ANK1: variants seen among roughly 807,000 people sequenced by gnomAD.
ANK1 encodes the protein ankyrin 1.
In ANK1, 51 loss-of-function variants were observed where a neutral mutation model predicts 210.4. The ratio of observed to expected loss-of-function variants is 0.24; its 90% CI spans 0.19 to 0.31. ANK1 has a LOEUF of 0.31. ANK1 is among the 10% of genes least tolerant of loss of function. ANK1 has a pLI of 1.00. For missense variants in ANK1, 2,051 were observed against 2,504.4 expected, an observed-to-expected ratio of 0.82 and a Z score of 3.86; for synonymous variants, 967 against 1,025.9, an observed-to-expected ratio of 0.94 and a Z score of 1.10.
Position 41,831,091 on chromosome 8 carries a change from G to A in ANK1, c.126+65264C>T, listed in dbSNP as rs767080256. On this transcript the variant is annotated intron_variant, in intron 1 of 42. Coordinates refer to the ANK1 transcript ENST00000265709. ...ACTGAGATACAGACGAAAGCACAGCGGCCTGGGAGACAGGAGACGAGGCTC... is the reference window on the plus strand; with the variant it reads ...ACTGAGATACAGACGAAAGCACAGCAGCCTGGGAGACAGGAGACGAGGCTC... 3.3e-4 allele frequency among the ~76,000 whole-genome samples: 51 copies of A among 152,246 alleles called. 1 individual carries two copies. Among genetic ancestry groups the A allele is most frequent in the African/African-American group, 1.0e-3 (43 of 41,542 alleles).
In ANK1 at chr8:41,803,031, AAG is replaced by A. The variant is rs1381744445; in HGVS notation, c.127-44896_127-44895del. Among the ~76,000 whole-genome samples the A allele has an allele frequency of 2.2e-4, 21 of 97,224 alleles. 1 individual carries two copies. Among genetic ancestry groups the A allele is most frequent in the Admixed American group, 4.0e-4 (4 of 9,932 alleles). The allele number at this position is 97,224 out of a possible 152,430, so 63.8% of individuals were successfully genotyped here. ...AAAGAAAGAAAGAAAGAAAGAAAGA[AAG>A]AAAGAAAGAGAAAGAAAGAAAGAGA... On this transcript the variant is annotated intron_variant, in intron 1 of 42. Coordinates refer to the ANK1 transcript ENST00000265709.
chr8:41,656,727 G>T (rs1424313684), intron 42 of ANK1, among the ~76,000 whole-genome samples: 1 of 152,216 alleles, frequency 6.6e-6, no homozygotes, highest in African/African-American at 2.4e-5. Flanking sequence ...ATTCGGAGGT[G>T]GAGCCATCCC....
At chr8:41,804,738 C>G (rs7835438) in intron 1 of ANK1, among the ~76,000 whole-genome samples, 50,995 of 151,966 alleles carry the variant, frequency 0.34, 9,487 homozygotes, top group Non-Finnish European at 0.42. Context: ...AAACTTGATT[C>G]TCATTCGCTT....
exon 1 of ANK1, chr8:41,896,478 C>T: frequency 6.3e-7 from 1 of 1,597,648 alleles, no homozygotes; most frequent in Non-Finnish European, 8.5e-7. Context: ...CCGCTTGAGC[C>T]ATGGCGGGTC....
At chr8:41,775,859 C>T (rs1018847593) in intron 1 of ANK1, among the ~76,000 whole-genome samples, 1 of 152,148 alleles carries the variant, frequency 6.6e-6, no homozygotes, top group African/African-American at 2.4e-5. Flanking sequence ...GGCACTCTAG[C>T]CTGGGCAAAA....
chr8:41,669,615 C>G (rs1181610895), intron 38 of ANK1, among the ~76,000 whole-genome samples: 7 of 152,178 alleles, frequency 4.6e-5, no homozygotes, highest in Non-Finnish European at 1.0e-4. Flanking sequence ...GTATCTTCAT[C>G]CTTGCAGTGG....
rs1812732817 is a variant in ANK1, at chr8:41,672,527, C to T, written c.4923G>A (p.Glu1641=). ...TNGLIDLLEQ[E]EGQRSEEKLP... ...GCTTCTCTTCTGACCTCTGACCTTC[C>T]TCCTGTTCAAGCAAATCGATAAGGC... The change falls in exon 38 of 43, where the codon GAG becomes GAA. Residue 1641 remains glutamate (E), a synonymous_variant. Transcript: ENST00000289734. The T allele has an allele frequency of 4.3e-6, 7 of 1,614,216 alleles. No individual in the cohort carries two copies. Among genetic ancestry groups the T allele is most frequent in the Non-Finnish European group, 5.1e-6 (6 of 1,180,038 alleles).
At chr8:41,692,277 G>A (rs934545303) in intron 31 of ANK1, among the ~76,000 whole-genome samples, 4 of 152,208 alleles carry the variant, frequency 2.6e-5, no homozygotes, top group South Asian at 2.1e-4. Flanking sequence ...GGCTGGTCTC[G>A]AACTCCTGAC....
chr8:41,851,211 A>G (rs1811169796), intron 1 of ANK1, among the ~76,000 whole-genome samples: 1 of 152,244 alleles, frequency 6.6e-6, no homozygotes, highest in Non-Finnish European at 1.5e-5. Flanking sequence ...CATGGACATC[A>G]GCTTACTCAG....
In ANK1 at chr8:41,703,450, A is replaced by ATATATATATATT. The variant is rs59985416; in HGVS notation, c.2295+590_2295+591insAATATATATATA. 5.1e-4 allele frequency among the ~76,000 whole-genome samples: 30 copies of ATATATATATATT among 58,814 alleles called. 1 individual carries two copies. Among genetic ancestry groups the ATATATATATATT allele is most frequent in the Admixed American group, 7.3e-4 (3 of 4,102 alleles). The allele number at this position is 58,814 out of a possible 152,430, so 38.6% of individuals were successfully genotyped here. ...TATATATATATATATATATATATATATTTTTTTTTTTTTTTTAAGACACAA... is the reference window on the plus strand; with the variant it reads ...TATATATATATATATATATATATATATATATATATATTTTTTTTTTTTTTTTTTAAGACACAA... On this transcript the variant is annotated intron_variant, in intron 20 of 42. Transcript: ENST00000289734.
rs191181149 is a variant in ANK1 at position 41,889,087 on chromosome 8, C to T, written c.126+7268G>A. 3.2e-3 allele frequency among the ~76,000 whole-genome samples: 485 copies of T among 152,330 alleles called. 3 individuals carry two copies. The highest frequency in any genetic ancestry group is 0.01 in the African/African-American group (419 of 41,568). ...AACTCCTAGCCTTAAGTGATCCTCC[C>T]ATCTCGGCTCCCAAAGTGGTGGGAT... On this transcript the variant is annotated intron_variant, in intron 1 of 42. Coordinates refer to the ANK1 transcript ENST00000265709.
rs148285999 is a variant in ANK1, at chr8:41,682,410, C to T, written c.4537+2134G>A. ...ACTGCTGGTGTGTGATACAATTCCC[C>T]GCGTGGCTCTCCTCACAGGAGGGAA... On this transcript the variant is annotated intron_variant, in intron 37 of 42. Transcript: ENST00000289734. Among the ~76,000 whole-genome samples the T allele has an allele frequency of 4.8e-4, 73 of 152,360 alleles. No homozygotes were observed. In the East Asian group the frequency reaches 0.013, roughly 28 times the overall value.
At chr8:41,866,414 G>GA (rs1814469528) in intron 1 of ANK1, among the ~76,000 whole-genome samples, 1 of 151,960 alleles carries the variant, frequency 6.6e-6, no homozygotes, top group Admixed American at 6.5e-5. Context: ...GGCTGGTCTT[G>GA]AATTCCTGGC....
At chr8:41,746,691 G>A (rs977993458) in intron 2 of ANK1, among the ~76,000 whole-genome samples, 1 of 152,118 alleles carries the variant, frequency 6.6e-6, no homozygotes, top group Admixed American at 6.6e-5. Context: ...TGTGCTCTGA[G>A]AAATCCTGCA....
intron 1 of ANK1, among the ~76,000 whole-genome samples, chr8:41,766,697 A>G (rs116899203): frequency 6.6e-6 from 1 of 152,328 alleles, no homozygotes; most frequent in East Asian, 1.9e-4. Flanking sequence ...GTGCTCATCT[A>G]AGGCCCCAAA....
rs1345536195 is a variant in ANK1, at chr8:41,696,518, T to C, written c.2805A>G (p.Arg935=). The C allele has an allele frequency of 5.6e-6, 9 of 1,613,612 alleles. No homozygotes were observed. In the South Asian group the frequency reaches 9.9e-5, roughly 18 times the overall value. Reference sequence around the variant, plus strand: ...CGCACGTCCGTGGCGGGATCACCACTCGCAGGCCGTTGTGGCGACTTCCTC... The same window carrying C: ...CGCACGTCCGTGGCGGGATCACCACCCGCAGGCCGTTGTGGCGACTTCCTC... The part of the protein sequence containing the change: ...SMRGSRHNGL[R]VVIPPRTCAA... Residue 935 remains arginine (R), a synonymous_variant, in exon 26 of 43, where the codon CGA becomes CGG. Coordinates refer to ENST00000289734, the MANE Select transcript of ANK1 (RefSeq NM_000037.4).
intron 1 of ANK1, among the ~76,000 whole-genome samples, chr8:41,870,951 T>C (rs1815367724): frequency 6.6e-6 from 1 of 152,140 alleles, no homozygotes; most frequent in South Asian, 2.1e-4. Context: ...ACGGGGACTG[T>C]CTGCCCACCT....
At chr8:41,798,557 A>G (rs572719565), upstream of ANK1, among the ~76,000 whole-genome samples, 1 of 152,330 alleles carries the variant, frequency 6.6e-6, no homozygotes, top group East Asian at 1.9e-4. Flanking sequence ...CGCCCGTCCA[A>G]CAACGGGATG....
chr8:41,890,721 A>G (rs911658270), intron 1 of ANK1, among the ~76,000 whole-genome samples: 1 of 151,494 alleles, frequency 6.6e-6, no homozygotes, highest in African/African-American at 2.4e-5. Flanking sequence ...AAAAAAAAAA[A>G]AAAAGAAAAA....
Sources: gnomAD v4.1 joint callset for allele counts (sites outside exome capture counted in the v4.1 genomes callset) on GRCh38, gnomAD v4.1.1 for gene constraint, MANE v1.5 for transcripts, NCBI Gene and HGNC (gene_info 2026-07-23, HGNC 2026-07-21) for gene names.